FBXO16: variants seen among roughly 807,000 people sequenced by gnomAD.
FBXO16 encodes F-box only protein 16.
A neutral mutation model predicts 41.0 loss-of-function variants in FBXO16; 31 were observed. The observed-to-expected ratio is 0.76, with a 90% CI of 0.57 to 1.02. The LOEUF is 1.02. Ranked by LOEUF, FBXO16 falls within the 50% of genes least tolerant of loss-of-function variation. FBXO16 has a pLI of 0.00. For missense variants in FBXO16, 361 were observed against 346.2 expected, an observed-to-expected ratio of 1.04 and a Z score of -0.34; for synonymous variants, 133 against 117.8, an observed-to-expected ratio of 1.13 and a Z score of -0.84.
chr8:28,441,515 C>T (rs950918570), intron 7 of FBXO16, among the ~76,000 whole-genome samples: 2 of 152,150 alleles, frequency 1.3e-5, no homozygotes, highest in African/African-American at 2.4e-5. Context: ...GTGGGTGGAT[C>T]ACCTGAGGTC....
At chr8:28,448,435 G>T (rs1235076686) in intron 6 of FBXO16, among the ~76,000 whole-genome samples, 1 of 151,520 alleles carries the variant, frequency 6.6e-6, no homozygotes, top group Admixed American at 6.6e-5. Context: ...ATTTCTCCAA[G>T]TATAGCTTAT....
At chr8:28,436,553 T>C (rs937310955) in intron 7 of FBXO16, among the ~76,000 whole-genome samples, 2 of 152,148 alleles carry the variant, frequency 1.3e-5, no homozygotes, top group Admixed American at 1.3e-4. Context: ...TCCAAGACTA[T>C]GTGACTACAT....
chr8:28,470,084 C>G (rs1196425165), intron 3 of FBXO16, among the ~76,000 whole-genome samples: 1 of 150,872 alleles, frequency 6.6e-6, no homozygotes, highest in Non-Finnish European at 1.5e-5. Flanking sequence ...GTCCCAGCTA[C>G]TCGGGAGGCT....
At position 28,447,199 on chromosome 8, in the gene FBXO16, C is replaced by G. The variant is rs1802877737; in HGVS notation, c.815G>C (p.Arg272Thr). Residue 272 changes from arginine to threonine, a missense_variant, in exon 7 of 9, where the codon AGA becomes ACA. Arg to Thr is a moderately conservative substitution (Grantham distance 71). Coordinates refer to ENST00000380254, the MANE Select transcript of FBXO16 (RefSeq NM_172366.4). ...SHDKKNKLQD[R>T]TRLRKAQSMM... ...TGATTGTGCTTTTCTTAGCCTAGTT[C>G]TGTCCTGCAATTTATTTTTCTTATC... 2 of 1,612,256 alleles carry G rather than the reference C, an allele frequency of 1.2e-6. No individual in the cohort carries two copies. The highest frequency in any genetic ancestry group is 8.5e-7 in the Non-Finnish European group (1 of 1,179,948).
intron 7 of FBXO16, among the ~76,000 whole-genome samples, chr8:28,445,076 G>A (rs1331129510): frequency 6.6e-6 from 1 of 152,038 alleles, no homozygotes; most frequent in Admixed American, 6.6e-5. Context: ...ACCGGCATGA[G>A]TCAAAATATC....
intron 3 of FBXO16, among the ~76,000 whole-genome samples, chr8:28,466,268 A>C (rs1055581320): frequency 9.9e-5 from 15 of 152,164 alleles, no homozygotes; most frequent in Non-Finnish European, 2.2e-4. Context: ...ACAGTAGAAT[A>C]ACAGTAGAAA....
intron 7 of FBXO16, among the ~76,000 whole-genome samples, chr8:28,443,893 C>T (rs977939911): frequency 1.3e-5 from 2 of 152,340 alleles, no homozygotes; most frequent in South Asian, 2.1e-4. Flanking sequence ...GAAAATTACC[C>T]TATATGGTCT....
intron 1 of FBXO16, among the ~76,000 whole-genome samples, chr8:28,484,844 T>C (rs922695102): frequency 1.3e-5 from 2 of 150,498 alleles, no homozygotes; most frequent in African/African-American, 5.0e-5. Context: ...CCACCCCCCC[T>C]GGGCCTCCCA....
chr8:28,436,640 T>G (rs1232780514), intron 7 of FBXO16, among the ~76,000 whole-genome samples: 2 of 152,180 alleles, frequency 1.3e-5, no homozygotes, highest in Admixed American at 1.3e-4. Flanking sequence ...AGTGAACTCA[T>G]ATTTCAAAAC....
chr8:28,460,243 A>ATTT (rs1350204892), intron 4 of FBXO16, among the ~76,000 whole-genome samples: 37 of 93,782 alleles, frequency 3.9e-4, no homozygotes, highest in African/African-American at 1.8e-3. Context: ...ATATATATAT[A>ATTT]TATTTTTTTT....
intron 5 of FBXO16, 67 bp downstream of exon 5, chr8:28,456,699 A>C: frequency 6.4e-7 from 1 of 1,557,956 alleles, no homozygotes; most frequent in Admixed American, 1.7e-5. Flanking sequence ...CTGATCCTTT[A>C]TTCTTAGTTC....
chr8:28,430,031 C>T (rs897240458), intron 7 of FBXO16, among the ~76,000 whole-genome samples: 2 of 152,124 alleles, frequency 1.3e-5, no homozygotes, highest in Admixed American at 6.6e-5. Flanking sequence ...TTCTTTGTCC[C>T]CCAATGAGGC....
chr8:28,474,705 T>C (rs1376260799), intron 2 of FBXO16, among the ~76,000 whole-genome samples: 1 of 152,244 alleles, frequency 6.6e-6, no homozygotes, highest in African/African-American at 2.4e-5. Context: ...TGAATACTTG[T>C]TGGTATAGGT....
At chr8:28,478,856 T>C (rs140815166) in intron 2 of FBXO16, among the ~76,000 whole-genome samples, 4,309 of 150,670 alleles carry the variant, frequency 0.029, 216 homozygotes, top group African/African-American at 0.099. Context: ...TAATCCCCTA[T>C]GTTGGAGGTG....
At chr8:28,435,533 G>A (rs967850070) in intron 7 of FBXO16, among the ~76,000 whole-genome samples, 11 of 152,144 alleles carry the variant, frequency 7.2e-5, no homozygotes, top group African/African-American at 7.2e-5. Context: ...GATGCAGAGG[G>A]GTAAGGAAAT....
At chr8:28,469,323 A>G (rs1803294600) in intron 3 of FBXO16, among the ~76,000 whole-genome samples, 2 of 151,906 alleles carry the variant, frequency 1.3e-5, no homozygotes, top group Non-Finnish European at 1.5e-5. Flanking sequence ...CAGAAAAAAA[A>G]AAAAAATTGT....
intron 7 of FBXO16, 56 bp from the exon 8 acceptor site, chr8:28,429,459 C>T (rs1450800417): frequency 7.5e-6 from 12 of 1,603,204 alleles, no homozygotes; most frequent in Admixed American, 3.3e-5. Context: ...AGAAATAATC[C>T]GAGCTGAGCT....
Position 28,460,065 on chromosome 8 carries a change from T to C in FBXO16, c.343-3135A>G, listed in dbSNP as rs144672316. Among the ~76,000 whole-genome samples, 1,233 of 151,620 alleles carry C rather than the reference T, an allele frequency of 8.1e-3. 18 individuals carry two copies. Among genetic ancestry groups the C allele is most frequent in the African/African-American group, 0.028 (1,141 of 41,320 alleles). ...CAAAAAATCATTTTTGGAATAGGTA[T>C]GTGCATACTAATACCAAATTCAAAG... On this transcript the variant is annotated intron_variant, in intron 4 of 8. Transcript: ENST00000380254.
rs546655279 is a variant in FBXO16, at chr8:28,463,138, GTGTGTGTGTATGTT to G, written c.342+460_342+473del. 4.4e-3 allele frequency among the ~76,000 whole-genome samples: 665 copies of G among 152,122 alleles called. 5 individuals carry two copies. Among genetic ancestry groups the G allele is most frequent in the African/African-American group, 0.013 (530 of 41,498 alleles). The stretch of plus-strand genomic sequence containing the variant: ...CATCCCTTCTCTTTCTTAGTTTTGT[GTGTGTGTGTATGTT>G]TGTGTGTGTATGTGTGTTTGTGTGT... On this transcript the variant is annotated intron_variant, in intron 4 of 8. Transcript: ENST00000380254.
Sources: allele counts gnomAD v4.1 joint callset (sites outside exome capture counted in the v4.1 genomes callset), GRCh38; gene constraint gnomAD v4.1.1; transcripts MANE v1.5; gene names NCBI Gene and HGNC (gene_info 2026-07-23, HGNC 2026-07-21).